DMGDH: variants seen among roughly 807,000 people sequenced by gnomAD.
The protein encoded by DMGDH is dimethylglycine dehydrogenase.
Under a neutral mutation model 95.2 loss-of-function variants are expected in DMGDH, and 76 were observed. That is an observed-to-expected ratio of 0.80 (90% CI 0.66 to 0.97). The LOEUF (loss-of-function observed/expected upper bound fraction) is 0.97. DMGDH is among the 50% of genes least tolerant of loss of function. DMGDH has a pLI of 0.00. For missense variants in DMGDH, 987 were observed against 1,055.0 expected, an observed-to-expected ratio of 0.94 and a Z score of 0.89; for synonymous variants, 345 against 377.6, an observed-to-expected ratio of 0.91 and a Z score of 1.00.
At chr5:79,032,536 C>G in intron 9 of DMGDH, 151 bp downstream of exon 9, 1 of 1,105,910 alleles carries the variant, frequency 9.0e-7, no homozygotes, top group Non-Finnish European at 1.4e-6. Flanking sequence ...ACTAATGCCA[C>G]CACTGCCAGA....
chr5:79,023,183 T>C (rs993750016), intron 14 of DMGDH, among the ~76,000 whole-genome samples: 2 of 152,248 alleles, frequency 1.3e-5, no homozygotes, highest in Non-Finnish European at 2.9e-5. Flanking sequence ...CTTGGCCTGA[T>C]TGAGTCATAT....
chr5:79,068,694 C>A (rs1331912609), intron 1 of DMGDH, among the ~76,000 whole-genome samples: 1 of 152,248 alleles, frequency 6.6e-6, no homozygotes, highest in African/African-American at 2.4e-5. Flanking sequence ...GATAAACAAG[C>A]CTTTCCTGGC....
intron 15 of DMGDH, among the ~76,000 whole-genome samples, chr5:79,004,693 A>G (rs1245189662): frequency 6.6e-6 from 1 of 152,266 alleles, no homozygotes; most frequent in Non-Finnish European, 1.5e-5. Context: ...TTGATACATT[A>G]TCTGACTAAC....
rs560922161 is a variant in DMGDH at position 79,037,738 on chromosome 5, C to T, written c.1194-4330G>A. The stretch of plus-strand genomic sequence containing the variant: ...TAGCAATTAGTTAATAGGTGTTCCA[C>T]ATGAGATCAGTGACTCTATCTGCTC... On this transcript the variant is annotated intron_variant, in intron 7 of 15. Coordinates refer to ENST00000255189, the MANE Select transcript of DMGDH (RefSeq NM_013391.3). Among the ~76,000 whole-genome samples the T allele has an allele frequency of 2.0e-5, 3 of 152,346 alleles. No homozygotes were observed. The East Asian group carries it at 5.8e-4, about 29-fold the overall frequency.
At chr5:79,067,955 G>A (rs575793110) in intron 1 of DMGDH, among the ~76,000 whole-genome samples, 95 of 152,156 alleles carry the variant, frequency 6.2e-4, no homozygotes, top group African/African-American at 1.8e-3. Context: ...AATCCCTGTC[G>A]CCCAGGCTGG....
chr5:79,037,411 T>C (rs1436992847), intron 7 of DMGDH, among the ~76,000 whole-genome samples: 1 of 152,182 alleles, frequency 6.6e-6, no homozygotes, highest in African/African-American at 2.4e-5. Flanking sequence ...TGCACTGATA[T>C]AAGCCAGGAG....
At chr5:79,030,113 T>A in intron 10 of DMGDH, 79 bp from the exon 11 acceptor site, 3 of 1,245,866 alleles carry the variant, frequency 2.4e-6, no homozygotes. Context: ...GAAATAACAA[T>A]GTGGGTGTTA....
At chr5:79,059,457 T>C (rs1272754877) in intron 2 of DMGDH, among the ~76,000 whole-genome samples, 2 of 152,272 alleles carry the variant, frequency 1.3e-5, no homozygotes, top group African/African-American at 2.4e-5. Context: ...CATTTGACTA[T>C]GACATTTCAT....
intron 7 of DMGDH, among the ~76,000 whole-genome samples, chr5:79,038,247 G>T (rs1754403858): frequency 2.0e-5 from 3 of 152,172 alleles, no homozygotes; most frequent in South Asian, 2.1e-4. Flanking sequence ...ACTTTGGGGG[G>T]TCGAGGTGGG....
chr5:79,027,472 T>C (rs1754034252), intron 12 of DMGDH, among the ~76,000 whole-genome samples: 2 of 152,192 alleles, frequency 1.3e-5, no homozygotes, highest in African/African-American at 4.8e-5. Flanking sequence ...AAGGTGTTTT[T>C]ATGGGATACC....
At chr5:79,021,181 G>A (rs1015137846) in intron 14 of DMGDH, 16 of 990,698 alleles carry the variant, frequency 1.6e-5, no homozygotes, top group South Asian at 4.6e-5. Context: ...GTGGCTCTAC[G>A]GAGCACTTCC....
intron 15 of DMGDH, among the ~76,000 whole-genome samples, chr5:78,999,146 T>C (rs1013390931): frequency 2.6e-5 from 4 of 152,220 alleles, no homozygotes; most frequent in African/African-American, 9.7e-5. Flanking sequence ...GAAATCAGCC[T>C]GGTGATCATT....
chr5:79,030,425 G>A (rs1297665452), intron 10 of DMGDH: 2 of 249,676 alleles, frequency 8.0e-6, no homozygotes, highest in African/African-American at 4.6e-5. Flanking sequence ...GCTGAGGCGG[G>A]TGGATCACCT....
intron 11 of DMGDH, among the ~76,000 whole-genome samples, 163 bp from the exon 12 acceptor site, chr5:79,028,813 C>T: frequency 6.6e-6 from 1 of 152,012 alleles, no homozygotes; most frequent in Admixed American, 6.6e-5. Context: ...GAAACCAAGC[C>T]CCTGAGATGT....
chr5:79,039,303 C>T (rs1412711429), intron 7 of DMGDH, among the ~76,000 whole-genome samples: 1 of 152,058 alleles, frequency 6.6e-6, no homozygotes, highest in Non-Finnish European at 1.5e-5. Flanking sequence ...GACTTGGAAC[C>T]AACCCAAATG....
At chr5:79,030,677 A>G in intron 10 of DMGDH, 156 bp downstream of exon 10, 1 of 778,874 alleles carries the variant, frequency 1.3e-6, no homozygotes, top group East Asian at 2.7e-5. Context: ...GAAAAGAAAA[A>G]AAGAAAGTAA....
rs538007163 is a variant in DMGDH at position 79,030,512 on chromosome 5, G to T, written c.1683+321C>A. ...AATACAAAAATTAGCTGGGCATGGT[G>T]GCACATGCCTGTAGTCCCAGCTACT... On this transcript the variant is annotated intron_variant, in intron 10 of 15. Transcript: ENST00000255189. 6.4e-5 allele frequency: 19 copies of T among 297,894 alleles called. No individual in the cohort carries two copies. In the South Asian group the frequency reaches 7.0e-4, roughly 11 times the overall value. The allele number at this position is 297,894 out of a possible 1,614,324, so 18.5% of individuals were successfully genotyped here. A position where few individuals can be genotyped will look rare whatever the true frequency, so the allele number is the denominator to read the frequency against.
In DMGDH at chr5:79,030,961, C is replaced by T. The variant is rs759000915; in HGVS notation, c.1555G>A (p.Gly519Ser). Residue 519 changes from glycine to serine, a missense_variant, in exon 10 of 16, where the codon GGC becomes AGC. Physicochemically the swap from Gly to Ser is moderately conservative, Grantham distance 56. Transcript: ENST00000255189. The part of the protein sequence containing the change: ...FRRTNWFEPV[G>S]SEYKQVMQRV... ...TGCATAACCTGTTTATACTCCGAGCCCACAGGCTCAAACCAGTTTGTGCGG... is the reference window on the plus strand; with the variant it reads ...TGCATAACCTGTTTATACTCCGAGCTCACAGGCTCAAACCAGTTTGTGCGG... The T allele has an allele frequency of 6.2e-7, 1 of 1,614,148 alleles. No homozygotes were observed. The highest frequency in any genetic ancestry group is 1.1e-5 in the South Asian group (1 of 91,084).
chr5:79,019,826 A>G (rs1163083082), intron 14 of DMGDH, among the ~76,000 whole-genome samples: 1 of 152,200 alleles, frequency 6.6e-6, no homozygotes, highest in Admixed American at 6.5e-5. Flanking sequence ...CGAAGGTTGT[A>G]GTGAGCCAAA....
Sources: gnomAD v4.1 joint callset for allele counts (sites outside exome capture counted in the v4.1 genomes callset) on GRCh38, gnomAD v4.1.1 for gene constraint, MANE v1.5 for transcripts, NCBI Gene and HGNC (gene_info 2026-07-23, HGNC 2026-07-21) for gene names.